The following UNC79 variants were observed in gnomAD, a reference collection of about 807,000 sequenced individuals.
UNC79 encodes protein unc-79 homolog.
Under a neutral mutation model 283.1 loss-of-function variants are expected in UNC79, and 37 were observed. The ratio of observed to expected loss-of-function variants is 0.13; its 90% CI spans 0.10 to 0.17. The LOEUF (loss-of-function observed/expected upper bound fraction) is 0.17, where lower values mean the gene tolerates loss of function less well. UNC79 is among the 10% of genes least tolerant of loss of function. UNC79 has a pLI of 1.00. For missense variants in UNC79, 2,272 were observed against 3,211.1 expected (o/e 0.71, Z 7.07); for synonymous variants, 1,107 against 1,200.2 (o/e 0.92, Z 1.61).
intron 3 of UNC79, among the ~76,000 whole-genome samples, chr14:93,476,490 G>A (rs760241297): frequency 1.2e-4 from 18 of 152,188 alleles, no homozygotes; most frequent in Non-Finnish European, 2.2e-4. Context: ...AAGGTTGACT[G>A]ACTCTGGCCC....
chr14:93,639,597 A>C (rs1179956119), intron 32 of UNC79, among the ~76,000 whole-genome samples: 2 of 152,228 alleles, frequency 1.3e-5, no homozygotes, highest in African/African-American at 2.4e-5. Flanking sequence ...TAAACATAGT[A>C]GTAAAATTTG....
chr14:93,594,551 T>C (rs1159640831), intron 23 of UNC79, among the ~76,000 whole-genome samples: 1 of 152,226 alleles, frequency 6.6e-6, no homozygotes, highest in Non-Finnish European at 1.5e-5. Flanking sequence ...ATTACAGGCA[T>C]GAGCCACTGT....
intron 25 of UNC79, among the ~76,000 whole-genome samples, chr14:93,602,064 C>T (rs1454493493): frequency 6.6e-6 from 1 of 152,166 alleles, no homozygotes; most frequent in Non-Finnish European, 1.5e-5. Flanking sequence ...TCTGTTTACT[C>T]TGCGGATTAT....
At chr14:93,586,996 T>TGGCCGGGCGCGG in intron 22 of UNC79, 88 bp downstream of exon 22, 1 of 1,520,466 alleles carries the variant, frequency 6.6e-7, no homozygotes, top group Non-Finnish European at 8.8e-7. Flanking sequence ...TACTGGCTTG[T>TGGCCGGGCGCGG]TTGGGTTATT....
intron 1 of UNC79, among the ~76,000 whole-genome samples, chr14:93,392,264 C>T (rs1503958): frequency 0.54 from 82,339 of 151,918 alleles, 22,889 homozygotes; most frequent in Admixed American, 0.65. Flanking sequence ...CAAATGACAG[C>T]TTCATATAAC....
At chr14:93,575,601 T>G (rs887069330) in intron 17 of UNC79, among the ~76,000 whole-genome samples, 2 of 152,124 alleles carry the variant, frequency 1.3e-5, no homozygotes, top group African/African-American at 4.8e-5. Flanking sequence ...GAAGATATGA[T>G]CAACTACTGG....
At chr14:93,673,380 T>C (rs1182890210) in exon 41 of UNC79, 14 of 1,613,212 alleles carry the variant, frequency 8.7e-6, no homozygotes, top group African/African-American at 4.0e-5. Context: ...TGTCTCGTAG[T>C]GTTGTTCTAG....
At chr14:93,504,344 G>A (rs1442368684) in intron 7 of UNC79, among the ~76,000 whole-genome samples, 1 of 151,658 alleles carries the variant, frequency 6.6e-6, no homozygotes. Flanking sequence ...AATTTGTCAA[G>A]TTAAACATAT....
At chr14:93,496,341 A>G in intron 5 of UNC79, 70 bp from the exon 6 acceptor site, 1 of 1,000,878 alleles carries the variant, frequency 1.0e-6, no homozygotes, top group Non-Finnish European at 1.4e-6. Context: ...AATTTCTTAT[A>G]TATGTATATC....
rs187656935 is a variant in UNC79, at chr14:93,596,110, G to A, written c.3191-1249G>A. 2.3e-3 allele frequency among the ~76,000 whole-genome samples: 354 copies of A among 152,200 alleles called. 3 individuals carry two copies. Among genetic ancestry groups the A allele is most frequent in the African/African-American group, 8.2e-3 (340 of 41,504 alleles). ...GTAAGAGGTTGACAAATTATAAAAG[G>A]CATAAATATAATCAAGACCACAAAA... On this transcript the variant is annotated intron_variant, in intron 23 of 48. Transcript: ENST00000555664.
At position 93,699,750 on chromosome 14, in the gene UNC79, T is replaced by C. The variant is rs573997741; in HGVS notation, c.7549-4875T>C. Among the ~76,000 whole-genome samples the C allele has an allele frequency of 2.0e-5, 3 of 152,338 alleles. No individual in the cohort carries two copies. The South Asian group carries it at 6.2e-4, about 32-fold the overall frequency. On this transcript the variant is annotated intron_variant, in intron 47 of 48. Transcript: ENST00000555664. Reference sequence around the variant, plus strand: ...TGTCATACATTTTCTATATATTTTATAAAGCAAATCATACATTATTATTTT... The same window carrying C: ...TGTCATACATTTTCTATATATTTTACAAAGCAAATCATACATTATTATTTT...
chr14:93,479,199 C>G (rs2057975690), intron 4 of UNC79, among the ~76,000 whole-genome samples: 2 of 147,730 alleles, frequency 1.4e-5, no homozygotes, highest in African/African-American at 2.5e-5. Context: ...TTCCTTCCTT[C>G]CTTCCTTCCT....
chr14:93,607,577 C>A (rs1242817311), intron 26 of UNC79, among the ~76,000 whole-genome samples: 1 of 152,218 alleles, frequency 6.6e-6, no homozygotes, highest in Non-Finnish European at 1.5e-5. Flanking sequence ...ATGGAGTTGG[C>A]CTGGGCTTTC....
intron 14 of UNC79, among the ~76,000 whole-genome samples, chr14:93,567,546 G>A (rs550236800): frequency 9.9e-5 from 15 of 151,978 alleles, no homozygotes; most frequent in African/African-American, 2.7e-4. Context: ...TTTTCTGTCC[G>A]TCACTTTCCT....
upstream of UNC79, among the ~76,000 whole-genome samples, chr14:93,426,978 A>T (rs2055745799): frequency 6.6e-6 from 1 of 152,000 alleles, no homozygotes; most frequent in Non-Finnish European, 1.5e-5. Context: ...GTATTCTGTT[A>T]TTTTCCTCTG....
intron 45 of UNC79, 107 bp from the exon 49 acceptor site, chr14:93,691,642 T>A: frequency 1.8e-6 from 2 of 1,138,090 alleles, no homozygotes; most frequent in Non-Finnish European, 2.6e-6. Flanking sequence ...TATGCCTTTG[T>A]GCTTCCCCTG....
intron 7 of UNC79, among the ~76,000 whole-genome samples, chr14:93,512,297 C>T (rs946582711): frequency 6.6e-6 from 1 of 152,074 alleles, no homozygotes; most frequent in Admixed American, 6.5e-5. Context: ...ATATTTTTCT[C>T]TGCCTCTTTG....
At chr14:93,477,808 GT>G (rs947750171) in intron 4 of UNC79, 80 bp downstream of exon 4, 28 of 1,353,012 alleles carry the variant, frequency 2.1e-5, no homozygotes, top group Middle Eastern at 4.0e-4. Context: ...ATAGGCTCTA[GT>G]TTTTCGAGAT....
intron 1 of UNC79, among the ~76,000 whole-genome samples, chr14:93,412,756 G>A (rs1337732929): frequency 6.6e-6 from 1 of 151,902 alleles, no homozygotes; most frequent in Non-Finnish European, 1.5e-5. Flanking sequence ...AGGGCTGAAG[G>A]AAAAATACAT....
Sources: allele counts gnomAD v4.1 joint callset (sites outside exome capture counted in the v4.1 genomes callset), GRCh38; gene constraint gnomAD v4.1.1; transcripts MANE v1.5; gene names NCBI Gene and HGNC (gene_info 2026-07-23, HGNC 2026-07-21).